Variants in GRIP1 observed in about 807,000 individuals in gnomAD.
GRIP1 encodes the protein glutamate receptor-interacting protein 1.
GRIP1 carries 45 observed loss-of-function variants against 129.9 expected under a neutral mutation model. The ratio of observed to expected loss-of-function variants is 0.35; its 90% CI spans 0.27 to 0.44. The LOEUF (loss-of-function observed/expected upper bound fraction) is 0.44. GRIP1 is among the 20% of genes least tolerant of loss of function. The pLI is 1.00. For missense variants in GRIP1, 1,196 were observed against 1,396.8 expected, an observed-to-expected ratio of 0.86 and a Z score of 2.29; for synonymous variants, 530 against 520.8, an observed-to-expected ratio of 1.02 and a Z score of -0.24.
intron 1 of GRIP1, among the ~76,000 whole-genome samples, chr12:66,700,139 G>A (rs887374982): frequency 4.6e-5 from 7 of 152,088 alleles, no homozygotes; most frequent in Non-Finnish European, 1.0e-4. Flanking sequence ...AACTCCTGGG[G>A]GAGTCTCAAA....
At chr12:66,444,352 G>T (rs941486478) in intron 13 of GRIP1, among the ~76,000 whole-genome samples, 2 of 151,512 alleles carry the variant, frequency 1.3e-5, no homozygotes, top group African/African-American at 4.9e-5. Flanking sequence ...CGGGCGCGGT[G>T]GCGGGCGCCT....
intron 19 of GRIP1, among the ~76,000 whole-genome samples, chr12:66,381,729 C>G (rs888651688): frequency 6.6e-6 from 1 of 152,122 alleles, no homozygotes; most frequent in Non-Finnish European, 1.5e-5. Flanking sequence ...CAGATGTGCA[C>G]CACCATCAGT....
intron 7 of GRIP1, among the ~76,000 whole-genome samples, chr12:66,514,498 C>A (rs74985903): frequency 0.012 from 1,832 of 151,330 alleles, 42 homozygotes; most frequent in East Asian, 0.1. Flanking sequence ...AACTCAACAT[C>A]TAATTAAAAT....
At chr12:66,757,740 C>T (rs1301917029) in intron 1 of GRIP1, among the ~76,000 whole-genome samples, 1 of 152,184 alleles carries the variant, frequency 6.6e-6, no homozygotes, top group Non-Finnish European at 1.5e-5. Context: ...CTTTTCTCTA[C>T]ATCCTCATCA....
chr12:66,637,101 G>A (rs544354412), intron 1 of GRIP1, among the ~76,000 whole-genome samples: 20 of 152,218 alleles, frequency 1.3e-4, no homozygotes, highest in African/African-American at 3.4e-4. Flanking sequence ...GGAACCTAGC[G>A]TGTGTGTAAC....
intron 15 of GRIP1, among the ~76,000 whole-genome samples, chr12:66,411,278 G>A (rs2057392473): frequency 6.6e-6 from 1 of 152,194 alleles, no homozygotes; most frequent in Non-Finnish European, 1.5e-5. Flanking sequence ...CCCAGAGGAA[G>A]GAGAAGGCTC....
chr12:66,894,906 A>G (rs533713540), intron 1 of GRIP1, among the ~76,000 whole-genome samples: 1 of 152,276 alleles, frequency 6.6e-6, no homozygotes, highest in African/African-American at 2.4e-5. Flanking sequence ...GACCCATCTA[A>G]GCCCCTCTCT....
At position 66,859,310 on chromosome 12, in the gene GRIP1, C is replaced by A. The variant is rs867199624; in HGVS notation, c.58+209740G>T. On this transcript the variant is annotated intron_variant, in intron 1 of 1. Coordinates refer to the GRIP1 transcript ENST00000643019. Reference sequence around the variant, plus strand: ...AAAAAAACAAAAAAACAAAAAAAAACCAGTATTAGCCATCACAGAAATAGA... The same window carrying A: ...AAAAAAACAAAAAAACAAAAAAAAAACAGTATTAGCCATCACAGAAATAGA... Among the ~76,000 whole-genome samples, 34 of 112,054 alleles carry A rather than the reference C, an allele frequency of 3.0e-4. 1 individual carries two copies. Among genetic ancestry groups the A allele is most frequent in the African/African-American group, 7.3e-4 (24 of 32,790 alleles). The allele number at this position is 112,054 out of a possible 152,430, so 73.5% of individuals were successfully genotyped here.
At chr12:66,375,961 T>A (rs904391137) in intron 22 of GRIP1, among the ~76,000 whole-genome samples, 13 of 152,274 alleles carry the variant, frequency 8.5e-5, no homozygotes, top group South Asian at 4.1e-4. Context: ...CAGTTTGGGC[T>A]ACTTTTCTTC....
chr12:66,368,801 AAC>A (rs2055301486), intron 23 of GRIP1, among the ~76,000 whole-genome samples: 1 of 152,254 alleles, frequency 6.6e-6, no homozygotes, highest in Admixed American at 6.5e-5. Context: ...ACCCACATTC[AAC>A]ACACACACAA....
At chr12:66,989,107 G>T (rs1203345515) in intron 1 of GRIP1, among the ~76,000 whole-genome samples, 6 of 152,164 alleles carry the variant, frequency 3.9e-5, no homozygotes, top group Admixed American at 2.6e-4. Flanking sequence ...AGGAGACTGT[G>T]GAAGACTATA....
chr12:66,772,200 A>T (rs1352196242), intron 1 of GRIP1, among the ~76,000 whole-genome samples: 5 of 152,246 alleles, frequency 3.3e-5, no homozygotes, highest in Admixed American at 6.5e-5. Context: ...GCCAGAATGT[A>T]AACCTGGTCC....
intron 7 of GRIP1, among the ~76,000 whole-genome samples, chr12:66,491,226 A>T (rs931437972): frequency 6.6e-6 from 1 of 152,244 alleles, no homozygotes; most frequent in Non-Finnish European, 1.5e-5. Flanking sequence ...ATGCTCATCA[A>T]TGATAGACTG....
At chr12:66,623,182 G>T (rs2065349811) in intron 1 of GRIP1, among the ~76,000 whole-genome samples, 1 of 152,090 alleles carries the variant, frequency 6.6e-6, no homozygotes, top group African/African-American at 2.4e-5. Flanking sequence ...TTCATGGAGA[G>T]GCATAACATT....
intron 1 of GRIP1, among the ~76,000 whole-genome samples, chr12:66,963,260 A>G (rs1011015612): frequency 1.3e-5 from 2 of 152,198 alleles, no homozygotes; most frequent in Non-Finnish European, 2.9e-5. Flanking sequence ...GGCTGCAGTG[A>G]GCCATGATTG....
At chr12:66,532,794 C>T (rs1565835202) in intron 4 of GRIP1, among the ~76,000 whole-genome samples, 1 of 152,030 alleles carries the variant, frequency 6.6e-6, no homozygotes, top group Non-Finnish European at 1.5e-5. Flanking sequence ...ACCACCACCA[C>T]CACCATCATC....
intron 1 of GRIP1, among the ~76,000 whole-genome samples, chr12:66,789,980 A>G (rs1393300790): frequency 6.6e-6 from 1 of 152,204 alleles, no homozygotes; most frequent in East Asian, 1.9e-4. Flanking sequence ...ATTAAATGTT[A>G]TCATTACTTC....
chr12:66,914,260 G>C (rs1214851633), intron 1 of GRIP1, among the ~76,000 whole-genome samples: 1 of 152,156 alleles, frequency 6.6e-6, no homozygotes, highest in African/African-American at 2.4e-5. Context: ...AGGATTAAGA[G>C]AAATTCTTCT....
intron 1 of GRIP1, among the ~76,000 whole-genome samples, chr12:66,898,943 G>A (rs759506661): frequency 6.6e-6 from 1 of 152,160 alleles, no homozygotes; most frequent in Non-Finnish European, 1.5e-5. Context: ...GCAGTAGCAA[G>A]AAGAAACAGA....
Sources: allele counts gnomAD v4.1 joint callset (sites outside exome capture counted in the v4.1 genomes callset), GRCh38; gene constraint gnomAD v4.1.1; transcripts MANE v1.5; gene names NCBI Gene and HGNC (gene_info 2026-07-23, HGNC 2026-07-21).